NSG2: variants seen among roughly 807,000 people sequenced by gnomAD.
NSG2 encodes neuronal vesicle trafficking-associated protein 2.
In NSG2, 4 loss-of-function variants were observed where a neutral mutation model predicts 16.9. That is an observed-to-expected ratio of 0.24 (90% confidence interval 0.12 to 0.54). The LOEUF (loss-of-function observed/expected upper bound fraction) is 0.54. Among genes scored for constraint, NSG2 ranks in the 20% least tolerant of loss-of-function variants. The probability of loss-of-function intolerance (pLI) is 0.95; values close to 1 mark genes in which losing one functional copy is unlikely to be tolerated. For synonymous variants in NSG2, 98 were observed against 88.7 expected, an observed-to-expected ratio of 1.11 and a Z score of -0.59; for missense variants, 179 against 221.1, an observed-to-expected ratio of 0.81 and a Z score of 1.21.
chr5:174,080,554 T>TC (rs1398255846), intron 3 of NSG2, among the ~76,000 whole-genome samples: 5 of 146,062 alleles, frequency 3.4e-5, no homozygotes, highest in South Asian at 2.3e-4. Context: ...TCTCTCTTTC[T>TC]TTTCTTTCTT....
chr5:174,075,665 C>A (rs1484945016), intron 3 of NSG2, among the ~76,000 whole-genome samples: 1 of 152,200 alleles, frequency 6.6e-6, no homozygotes, highest in East Asian at 1.9e-4. Context: ...CAATCCCAGT[C>A]ACAAGGTGGG....
chr5:174,051,149 C>T (rs1050579270), intron 2 of NSG2, among the ~76,000 whole-genome samples: 25 of 152,064 alleles, frequency 1.6e-4, no homozygotes, highest in African/African-American at 5.8e-4. Flanking sequence ...AGACATTTTT[C>T]GATGTCACAA....
intron 3 of NSG2, among the ~76,000 whole-genome samples, chr5:174,100,635 C>T (rs1314567557): frequency 6.6e-6 from 1 of 152,164 alleles, no homozygotes; most frequent in Non-Finnish European, 1.5e-5. Context: ...TTTCTTTTTC[C>T]AGAAGCATTT....
intron 3 of NSG2, among the ~76,000 whole-genome samples, chr5:174,081,854 C>A (rs1760475586): frequency 7.3e-6 from 1 of 137,740 alleles, no homozygotes; most frequent in Non-Finnish European, 1.5e-5. Context: ...GGCACCACTG[C>A]ACTCCAGCCT....
chr5:174,048,029 T>A (rs1176856609), intron 2 of NSG2, among the ~76,000 whole-genome samples: 1 of 152,194 alleles, frequency 6.6e-6, no homozygotes, highest in Non-Finnish European at 1.5e-5. Context: ...GGCCAGAGGT[T>A]GAATCATTTG....
chr5:174,095,582 G>A (rs2113470256), intron 3 of NSG2, among the ~76,000 whole-genome samples: 2 of 152,206 alleles, frequency 1.3e-5, no homozygotes, highest in East Asian at 3.9e-4. Context: ...GCATAATCCA[G>A]GATGATTTCA....
intron 2 of NSG2, among the ~76,000 whole-genome samples, chr5:174,058,921 T>A (rs1561662499): frequency 6.6e-6 from 1 of 152,242 alleles, no homozygotes; most frequent in Non-Finnish European, 1.5e-5. Context: ...GGCACCTGCC[T>A]GTCTCTTGGC....
At chr5:174,053,493 C>G (rs985093408) in intron 2 of NSG2, among the ~76,000 whole-genome samples, 3 of 152,274 alleles carry the variant, frequency 2.0e-5, no homozygotes, top group African/African-American at 7.2e-5. Flanking sequence ...GGGCCTCTCC[C>G]TGGGCTTTCC....
intron 3 of NSG2, among the ~76,000 whole-genome samples, chr5:174,076,469 A>G (rs1488227707): frequency 6.6e-6 from 1 of 152,200 alleles, no homozygotes; most frequent in Non-Finnish European, 1.5e-5. Flanking sequence ...AAAAAAAGCT[A>G]AATATAAATG....
chr5:174,052,150 G>A (rs781367227), intron 2 of NSG2, among the ~76,000 whole-genome samples: 5 of 152,152 alleles, frequency 3.3e-5, no homozygotes, highest in South Asian at 2.1e-4. Context: ...AGTCCTCCAC[G>A]CAGCACCAGA....
intron 2 of NSG2, among the ~76,000 whole-genome samples, chr5:174,051,575 T>TCATC (rs147901835): frequency 0.021 from 3,178 of 152,122 alleles, 67 homozygotes; most frequent in East Asian, 0.068. Context: ...CATCCATTCA[T>TCATC]CATCCATCCA....
Position 174,104,339 on chromosome 5 carries a change from G to C in NSG2, c.324+1G>C. ...CTGCCCAGAGGGATTCGTCTATAAG[G>C]TAAGAGGTGGTTGAGTAGTCCCAGG... On this transcript the variant is annotated splice_donor_variant, in intron 4 of 4. Transcript: ENST00000303177. LOFTEE classifies it high-confidence loss of function. 1 of 1,602,196 alleles carries C rather than the reference G, an allele frequency of 6.2e-7. No individual in the cohort carries two copies. Among genetic ancestry groups the C allele is most frequent in the Non-Finnish European group, 8.6e-7 (1 of 1,169,220 alleles).
chr5:174,087,945 A>G (rs1760659399), intron 3 of NSG2, among the ~76,000 whole-genome samples: 1 of 152,182 alleles, frequency 6.6e-6, no homozygotes, highest in Non-Finnish European at 1.5e-5. Context: ...GATTGACCCT[A>G]GAGAATTGAG....
intron 3 of NSG2, among the ~76,000 whole-genome samples, chr5:174,098,874 G>A (rs535808315): frequency 8.5e-5 from 13 of 152,286 alleles, no homozygotes; most frequent in South Asian, 4.1e-4. Flanking sequence ...CCAATGTAGC[G>A]CTGGAGAACT....
Position 174,060,181 on chromosome 5 carries a change from A to G in NSG2, c.130-4051A>G, listed in dbSNP as rs1381890209. 3.9e-5 allele frequency among the ~76,000 whole-genome samples: 6 copies of G among 152,258 alleles called. No individual in the cohort carries two copies. The South Asian group carries it at 6.2e-4, about 16-fold the overall frequency. ...AATAAAAATGATATTGCCTGTAATG[A>G]TTATTCATGGTCTTGTTCTGACAGT... On this transcript the variant is annotated intron_variant, in intron 2 of 4. Transcript: ENST00000303177.
chr5:174,105,669 A>T (rs1760968550), intron 4 of NSG2, among the ~76,000 whole-genome samples: 1 of 152,146 alleles, frequency 6.6e-6, no homozygotes. Flanking sequence ...TTCCTAGATT[A>T]CACTCCAAGT....
intron 3 of NSG2, among the ~76,000 whole-genome samples, chr5:174,099,555 C>T (rs751439518): frequency 1.2e-4 from 18 of 152,164 alleles, no homozygotes; most frequent in Non-Finnish European, 2.6e-4. Context: ...TTAGAACTGT[C>T]ACTGGCTCCC....
At chr5:174,104,470 T>C in intron 4 of NSG2, 132 bp downstream of exon 4, 1 of 657,834 alleles carries the variant, frequency 1.5e-6, no homozygotes, top group East Asian at 2.7e-5. Context: ...GGAATATGTG[T>C]TTGGCAAGGA....
intron 2 of NSG2, among the ~76,000 whole-genome samples, chr5:174,059,540 T>G (rs1760017496): frequency 1.3e-5 from 2 of 152,318 alleles, no homozygotes; most frequent in South Asian, 4.1e-4. Flanking sequence ...TTCTTGGGTT[T>G]TCTTGGAAGA....
Sources: gnomAD v4.1 joint callset for allele counts (sites outside exome capture counted in the v4.1 genomes callset) on GRCh38, gnomAD v4.1.1 for gene constraint, MANE v1.5 for transcripts, NCBI Gene and HGNC (gene_info 2026-07-23, HGNC 2026-07-21) for gene names.